LARS1: variants seen among roughly 807,000 people sequenced by gnomAD.
The protein encoded by LARS1 is leucyl-tRNA synthetase 1.
In LARS1, 100 loss-of-function variants were observed where a neutral mutation model predicts 162.8. That is an observed-to-expected ratio of 0.61 (90% confidence interval 0.52 to 0.73). The LOEUF (loss-of-function observed/expected upper bound fraction) is 0.73, where lower values mean the gene tolerates loss of function less well. LARS1 is among the 30% of genes least tolerant of loss of function. The pLI, the probability that LARS1 is intolerant of heterozygous loss-of-function variation, is 0.00. For missense variants in LARS1, 1,258 were observed against 1,408.9 expected, an observed-to-expected ratio of 0.89 and a Z score of 1.71; for synonymous variants, 457 against 462.8, an observed-to-expected ratio of 0.99 and a Z score of 0.16.
At chr5:146,129,600 T>C (rs2939525) in intron 25 of LARS1, among the ~76,000 whole-genome samples, 149,733 of 152,254 alleles carry the variant, frequency 0.98, 73,674 homozygotes, top group East Asian at 1. Flanking sequence ...TATTTATCTG[T>C]AAGCCTGGGA....
intron 5 of LARS1, among the ~76,000 whole-genome samples, chr5:146,167,061 T>C (rs1754040887): frequency 6.6e-6 from 1 of 152,196 alleles, no homozygotes; most frequent in Admixed American, 6.6e-5. Context: ...ACTGAGGCAT[T>C]ATCTATAATT....
intron 30 of LARS1, 152 bp from the exon 31 acceptor site, chr5:146,120,655 G>T: frequency 1.3e-6 from 1 of 753,512 alleles, no homozygotes; most frequent in Non-Finnish European, 2.1e-6. Context: ...AAGAAAAGCT[G>T]TACAAGCTCA....
intron 1 of LARS1, among the ~76,000 whole-genome samples, chr5:146,178,949 T>G (rs1266501749): frequency 1.3e-5 from 2 of 151,596 alleles, no homozygotes. Context: ...ACAATTTTTT[T>G]GGCCAGGTTT....
In LARS1 at chr5:146,182,588, G is replaced by A; in HGVS notation, c.-95C>T. On this transcript the variant is annotated 5_prime_UTR_variant, in exon 1 of 32. Transcript: ENST00000394434. ...TTTCCCCTCCCTCTCGGGGATGCCA[G>A]GCCTCCCACGAAACTAAAGCACACG... 1.3e-6 allele frequency: 2 copies of A among 1,532,670 alleles called. No individual in the cohort carries two copies. Among genetic ancestry groups the A allele is most frequent in the East Asian group, 2.2e-5 (1 of 44,514 alleles). The allele number at this position is 1,532,670 out of a possible 1,614,324, so 94.9% of individuals were successfully genotyped here.
intron 15 of LARS1, among the ~76,000 whole-genome samples, chr5:146,146,350 AAAAAG>A: frequency 7.0e-6 from 1 of 142,506 alleles, no homozygotes; most frequent in South Asian, 2.2e-4. Flanking sequence ...AAAAAAAAAA[AAAAAG>A]AAAGAGAAGA....
intron 20 of LARS1, 60 bp downstream of exon 20, chr5:146,142,812 G>A (rs1752842892): frequency 2.4e-6 from 3 of 1,247,310 alleles, no homozygotes; most frequent in South Asian, 1.4e-5. Flanking sequence ...GATATTTGAA[G>A]CCACAAGACA....
At chr5:146,122,912 T>A (rs1247876962) in intron 29 of LARS1, among the ~76,000 whole-genome samples, 1 of 151,966 alleles carries the variant, frequency 6.6e-6, no homozygotes, top group Non-Finnish European at 1.5e-5. Context: ...CAGAAATTTA[T>A]CATTTGAGAA....
intron 23 of LARS1, 66 bp downstream of exon 23, chr5:146,132,832 A>C (rs1044332261): frequency 1.7e-5 from 22 of 1,267,046 alleles, no homozygotes; most frequent in Middle Eastern, 2.1e-4. Flanking sequence ...GAAAAGAAAA[A>C]GAAAACAAAA....
At chr5:146,125,084 CT>C (rs1320415209) in intron 28 of LARS1, among the ~76,000 whole-genome samples, 1 of 151,772 alleles carries the variant, frequency 6.6e-6, no homozygotes, top group Non-Finnish European at 1.5e-5. Context: ...TCCCTGGATT[CT>C]TTTAAAACAT....
At position 146,153,984 on chromosome 5, in the gene LARS1, C is replaced by T; in HGVS notation, c.1066-4G>A. The T allele has an allele frequency of 5.0e-6, 8 of 1,584,778 alleles. No homozygotes were observed. Among genetic ancestry groups the T allele is most frequent in the Non-Finnish European group, 6.9e-6 (8 of 1,166,566 alleles). On this transcript the variant is annotated splice_region_variant and splice_polypyrimidine_tract_variant and intron_variant, in intron 10 of 31. Coordinates refer to ENST00000394434, the MANE Select transcript of LARS1 (RefSeq NM_020117.11). ...AAAGTGATGCACCAAGAATTTCCTGCATAAGAAAAAAATCAATATAAAAGG... is the reference window on the plus strand; with the variant it reads ...AAAGTGATGCACCAAGAATTTCCTGTATAAGAAAAAAATCAATATAAAAGG...
rs779368854 is a variant in LARS1 at position 146,114,257 on chromosome 5, C to T, written c.3380G>A (p.Arg1127Gln). 1.1e-5 allele frequency: 17 copies of T among 1,613,636 alleles called. No homozygotes were observed. Among genetic ancestry groups the T allele is most frequent in the South Asian group, 2.2e-5 (2 of 91,048 alleles). The change falls in exon 32 of 32, where the codon CGA (arginine) becomes CAA (glutamine). Residue 1127 changes from arginine (R) to glutamine (Q), a missense_variant. Arg to Gln is a conservative substitution (Grantham distance 43). Coordinates refer to ENST00000394434, the MANE Select transcript of LARS1 (RefSeq NM_020117.11). Reference protein sequence around the residue: ...RFDDPLLGPRRVPVLGKEYTE... With the variant: ...RFDDPLLGPRQVPVLGKEYTE... The stretch of plus-strand genomic sequence containing the variant: ...GTACTCCTTTCCCAGGACAGGAACT[C>T]GTCGAGGCCCCAACAGTGGATCATC...
chr5:146,149,195 T>C (rs1334010819), intron 15 of LARS1, among the ~76,000 whole-genome samples: 1 of 152,180 alleles, frequency 6.6e-6, no homozygotes. Flanking sequence ...TCAACAAGCC[T>C]AACAGACCAT....
intron 7 of LARS1, among the ~76,000 whole-genome samples, chr5:146,160,040 G>A (rs867179672): frequency 1.3e-5 from 2 of 151,930 alleles, no homozygotes; most frequent in African/African-American, 4.8e-5. Flanking sequence ...AGGAAAAAAG[G>A]AAAACAAAGG....
chr5:146,157,869 A>T (rs1343338465), intron 8 of LARS1, 74 bp from the exon 9 acceptor site: 4 of 1,421,572 alleles, frequency 2.8e-6, no homozygotes, highest in Non-Finnish European at 3.9e-6. Context: ...TATGTGAGAG[A>T]TCTGATTCAA....
chr5:146,171,801 T>G, intron 4 of LARS1, 109 bp downstream of exon 4: 1 of 709,920 alleles, frequency 1.4e-6, no homozygotes. Flanking sequence ...TTCAACTCAT[T>G]TCATACTTTA....
At chr5:146,160,936 A>G (rs1297267546) in intron 6 of LARS1, among the ~76,000 whole-genome samples, 1 of 152,196 alleles carries the variant, frequency 6.6e-6, no homozygotes, top group Non-Finnish European at 1.5e-5. Flanking sequence ...TTAGTGGCAT[A>G]CAGGGGAAAT....
chr5:146,150,483 T>C (rs943156797), intron 14 of LARS1, among the ~76,000 whole-genome samples: 1 of 152,044 alleles, frequency 6.6e-6, no homozygotes, highest in Non-Finnish European at 1.5e-5. Flanking sequence ...CTGAATTAGC[T>C]GGGTGTGATG....
Position 146,143,469 on chromosome 5 carries a change from G to A in LARS1, c.1820C>T (p.Ala607Val), listed in dbSNP as rs139310371. Residue 607 changes from alanine to valine, a missense_variant, in exon 19 of 32, where the codon GCA becomes GTA. Transcript: ENST00000394434. ...CAAGTTACCCCCCTGCAATAGGTGT[G>A]CAACTGTGTAAAATGCCATGTAAAT... ...STIYMAFYTVAHLLQGGNLHG... is the reference protein window; with the variant it reads ...STIYMAFYTVVHLLQGGNLHG... 11 of 1,614,036 alleles carry A rather than the reference G, an allele frequency of 6.8e-6. No homozygotes were observed. Among genetic ancestry groups the A allele is most frequent in the South Asian group, 1.1e-5 (1 of 91,078 alleles).
intron 22 of LARS1, among the ~76,000 whole-genome samples, chr5:146,135,171 ATT>A (rs752951458): frequency 5.1e-5 from 7 of 138,594 alleles, no homozygotes; most frequent in Admixed American, 7.3e-5. Flanking sequence ...CACCCAGCTA[ATT>A]TTTTTTTTTT....
Sources: allele counts gnomAD v4.1 joint callset (sites outside exome capture counted in the v4.1 genomes callset), GRCh38; gene constraint gnomAD v4.1.1; transcripts MANE v1.5; gene names NCBI Gene and HGNC (gene_info 2026-07-23, HGNC 2026-07-21).